The following CDC42SE2 variants were observed in gnomAD, a reference collection of about 807,000 sequenced individuals.
CDC42SE2 encodes CDC42 small effector 2.
In CDC42SE2, 3 loss-of-function variants were observed where a neutral mutation model predicts 11.5. The ratio of observed to expected loss-of-function variants is 0.26; its 90% CI spans 0.12 to 0.67. The LOEUF is 0.67. Ranked by LOEUF, CDC42SE2 falls within the 30% of genes least tolerant of loss-of-function variation. The probability of loss-of-function intolerance (pLI) is 0.80; values close to 1 mark genes in which losing one functional copy is unlikely to be tolerated. For missense variants in CDC42SE2, 82 were observed against 106.8 expected, an observed-to-expected ratio of 0.77 and a Z score of 1.02; for synonymous variants, 33 against 34.8, an observed-to-expected ratio of 0.95 and a Z score of 0.18.
intron 1 of CDC42SE2, among the ~76,000 whole-genome samples, chr5:131,297,135 T>C (rs2149713385): frequency 6.7e-6 from 1 of 149,990 alleles, no homozygotes; most frequent in Middle Eastern, 3.4e-3. Context: ...AAAGGATGAC[T>C]TCAGATTAAA....
chr5:131,251,801 C>T (rs1263483810), intron 1 of CDC42SE2, among the ~76,000 whole-genome samples: 1 of 152,040 alleles, frequency 6.6e-6, no homozygotes, highest in African/African-American at 2.4e-5. Context: ...ATCACTTGAG[C>T]CCAGGAATTC....
chr5:131,328,826 G>A (rs1205632961), intron 2 of CDC42SE2, among the ~76,000 whole-genome samples: 2 of 152,210 alleles, frequency 1.3e-5, no homozygotes, highest in Admixed American at 1.3e-4. Flanking sequence ...TGGGACCCAG[G>A]TCAAATAGCC....
At chr5:131,336,158 G>C (rs1410535639) in intron 2 of CDC42SE2, among the ~76,000 whole-genome samples, 15 of 152,298 alleles carry the variant, frequency 9.8e-5, no homozygotes, top group African/African-American at 3.1e-4. Flanking sequence ...TTTTAGGGCA[G>C]GCCTGGTGGT....
At chr5:131,257,478 ATTT>A (rs766082255) in intron 2 of CDC42SE2, among the ~76,000 whole-genome samples, 1 of 139,262 alleles carries the variant, frequency 7.2e-6, no homozygotes, top group African/African-American at 2.7e-5. Context: ...CCACTTGCTA[ATTT>A]TTTTTTTTTT....
chr5:131,226,120 G>A, the CDC42SE2 span, among the ~76,000 whole-genome samples: 1 of 152,194 alleles, frequency 6.6e-6, no homozygotes, highest in South Asian at 2.1e-4. Flanking sequence ...CCAAAGACAG[G>A]ATGGGTATGG....
At chr5:131,350,118 C>T (rs1192340360) in intron 2 of CDC42SE2, among the ~76,000 whole-genome samples, 1 of 151,720 alleles carries the variant, frequency 6.6e-6, no homozygotes, top group Admixed American at 6.6e-5. Flanking sequence ...GTACAAGGGC[C>T]TTGTGGTAAA....
chr5:131,345,756 C>T (rs987519389), intron 2 of CDC42SE2, among the ~76,000 whole-genome samples: 129 of 152,254 alleles, frequency 8.5e-4, no homozygotes, highest in African/African-American at 2.9e-3. Context: ...AGAGAAAGGT[C>T]GGGTTACCCA....
intron 2 of CDC42SE2, among the ~76,000 whole-genome samples, chr5:131,333,455 C>T (rs1580759852): frequency 6.6e-6 from 1 of 152,092 alleles, no homozygotes; most frequent in African/African-American, 2.4e-5. Flanking sequence ...TGCAGGCTCT[C>T]TTTTGGTTCC....
intron 2 of CDC42SE2, among the ~76,000 whole-genome samples, chr5:131,316,790 C>T (rs919101406): frequency 6.6e-6 from 1 of 152,098 alleles, no homozygotes; most frequent in African/African-American, 2.4e-5. Flanking sequence ...TGCCTATAGC[C>T]TCTCTATCTG....
At chr5:131,352,040 A>C (rs1185416056) in intron 2 of CDC42SE2, among the ~76,000 whole-genome samples, 1 of 152,216 alleles carries the variant, frequency 6.6e-6, no homozygotes, top group Non-Finnish European at 1.5e-5. Flanking sequence ...ACATGAAAAG[A>C]CTTAATATCA....
chr5:131,222,738 A>C, the CDC42SE2 span, among the ~76,000 whole-genome samples: 2 of 152,184 alleles, frequency 1.3e-5, no homozygotes, highest in African/African-American at 4.8e-5. Flanking sequence ...TAACAGTGAG[A>C]TATGCATTGG....
At chr5:131,262,686 C>A (rs1450878655), upstream of CDC42SE2, among the ~76,000 whole-genome samples, 1 of 152,084 alleles carries the variant, frequency 6.6e-6, no homozygotes, top group African/African-American at 2.4e-5. Flanking sequence ...TTGCACATAA[C>A]CCACATATAT....
intron 1 of CDC42SE2, among the ~76,000 whole-genome samples, chr5:131,254,614 G>A (rs997133615): frequency 6.6e-6 from 1 of 151,866 alleles, no homozygotes; most frequent in African/African-American, 2.4e-5. Context: ...GGTGGCTGCT[G>A]TGCATTGCTC....
chr5:131,210,095 T>G, the CDC42SE2 span, among the ~76,000 whole-genome samples: 1 of 152,186 alleles, frequency 6.6e-6, no homozygotes, highest in Admixed American at 6.5e-5. Context: ...TCCCTCTTCA[T>G]CTTCTTTCAT....
chr5:131,293,872 C>G (rs930551607), intron 1 of CDC42SE2, among the ~76,000 whole-genome samples: 1 of 152,148 alleles, frequency 6.6e-6, no homozygotes, highest in Non-Finnish European at 1.5e-5. Context: ...ACAGACTGAT[C>G]GCTCTGCCAT....
chr5:131,298,991 C>A (rs1757628690), intron 1 of CDC42SE2, among the ~76,000 whole-genome samples: 1 of 152,038 alleles, frequency 6.6e-6, no homozygotes, highest in African/African-American at 2.4e-5. Context: ...GAAATGATAG[C>A]CATATCAAGT....
intron 1 of CDC42SE2, among the ~76,000 whole-genome samples, chr5:131,296,266 A>G (rs1393661022): frequency 6.6e-6 from 1 of 152,208 alleles, no homozygotes; most frequent in Non-Finnish European, 1.5e-5. Flanking sequence ...TATAGTGAAC[A>G]TGATTATAAC....
rs369192615 is a variant in CDC42SE2 at position 131,268,424 on chromosome 5, T to G, written c.-455+4258T>G. Among the ~76,000 whole-genome samples the G allele has an allele frequency of 2.7e-5, 4 of 150,258 alleles. No individual in the cohort carries two copies. The East Asian group carries it at 7.9e-4, about 30-fold the overall frequency. On this transcript the variant is annotated intron_variant, in intron 1 of 4. Coordinates refer to ENST00000505065, the MANE Select transcript of CDC42SE2 (RefSeq NM_001375635.1). ...GGGCATTTTTTTCTTATGTTTTTCA[T>G]ACTACCTGGGAAAACTTGGAATTTA...
chr5:131,358,191 A>T (rs931909683), intron 2 of CDC42SE2, among the ~76,000 whole-genome samples: 1 of 152,232 alleles, frequency 6.6e-6, no homozygotes, highest in African/African-American at 2.4e-5. Context: ...CTTCAGATTT[A>T]TATATCAAAC....
Sources: allele counts gnomAD v4.1 joint callset (sites outside exome capture counted in the v4.1 genomes callset), GRCh38; gene constraint gnomAD v4.1.1; transcripts MANE v1.5; gene names NCBI Gene and HGNC (gene_info 2026-07-23, HGNC 2026-07-21).